USP21: variants seen among roughly 807,000 people sequenced by gnomAD.
USP21 encodes ubiquitin specific peptidase 21.
USP21 carries 37 observed loss-of-function variants against 70.8 expected under a neutral mutation model. The ratio of observed to expected loss-of-function variants is 0.52; its 90% confidence interval spans 0.40 to 0.69. USP21 has a LOEUF of 0.69. Among genes scored for constraint, USP21 ranks in the 30% least tolerant of loss-of-function variants. The pLI is 0.00. For synonymous variants in USP21, 263 were observed against 283.1 expected (o/e 0.93, Z 0.71); for missense variants, 584 against 740.8 (o/e 0.79, Z 2.46).
At chr1:161,163,675 T>A in intron 8 of USP21, 56 bp downstream of exon 8, 1 of 950,654 alleles carries the variant, frequency 1.1e-6, no homozygotes, top group Non-Finnish European at 1.6e-6. Flanking sequence ...GGGTACAGGC[T>A]TGGGGGGAAA....
chr1:161,164,859 G>A lies in USP21; in HGVS notation c.1409G>A (p.Arg470Gln), dbSNP rs111461715. 30 of 1,613,908 alleles carry A rather than the reference G, an allele frequency of 1.9e-5. No homozygotes were observed. The highest frequency in any genetic ancestry group is 2.7e-5 in the African/African-American group (2 of 74,986). ...GATCTGAATCGATTTTCTGCCTCCC[G>A]AGGCTCCATCAAAAAAAGTTCAGTA... ...VLHLNRFSAS[R>Q]GSIKKSSVGV... Residue 470 changes from arginine to glutamine, a missense_variant, in exon 12 of 14, where the codon CGA becomes CAA. Arg to Gln is a conservative substitution (Grantham distance 43). Coordinates refer to ENST00000368002, the MANE Select transcript of USP21 (RefSeq NM_001014443.3). The surrounding 1 kb of genome is among the most constrained non-coding windows in gnomAD (Gnocchi z 4.2).
intron 8 of USP21, 99 bp from the exon 9 acceptor site, chr1:161,163,779 G>A (rs1396083150): frequency 2.3e-5 from 32 of 1,363,182 alleles, no homozygotes; most frequent in Non-Finnish European, 3.2e-5. Context: ...AGTGGGAAAG[G>A]AAGGGTCAAG....
chr1:161,164,571 A>C lies in USP21; in HGVS notation c.1343A>C (p.Lys448Thr). The C allele has an allele frequency of 6.2e-7, 1 of 1,614,188 alleles. No individual in the cohort carries two copies. Among genetic ancestry groups the C allele is most frequent in the South Asian group, 1.1e-5 (1 of 91,078 alleles). Residue 448 changes from lysine to threonine, a missense_variant, in exon 11 of 14, where the codon AAA (lysine) becomes ACA (threonine). Transcript: ENST00000368002. The surrounding 1 kb of genome is among the most constrained non-coding windows in gnomAD (Gnocchi z 4.2). ...TGTCGGCAGAAAACTCGAAGTACCA[A>C]AAAGTTGACAGTACAAAGATTCCCT... is the stretch of plus-strand genomic sequence containing the variant. Reference protein sequence around the residue: ...DRCRQKTRSTKKLTVQRFPRI... With the variant: ...DRCRQKTRSTTKLTVQRFPRI...
Position 161,164,520 on chromosome 1 carries a change from T to G in USP21, c.1306-14T>G. The G allele has an allele frequency of 6.2e-7, 1 of 1,614,162 alleles. No individual in the cohort carries two copies. The highest frequency in any genetic ancestry group is 8.5e-7 in the Non-Finnish European group (1 of 1,180,022). ...AGGAGCATATTAACCTAACACTGTT[T>G]GCCATTTATTCAGGTGTGTGACCGA... On this transcript the variant is annotated splice_polypyrimidine_tract_variant and intron_variant, in intron 10 of 13. Transcript: ENST00000368002. This position sits in a 1 kb window ranked among gnomAD's most constrained non-coding sequence, Gnocchi z 4.2.
In USP21 at chr1:161,165,260, C is replaced by A; in HGVS notation, c.1608-97C>A. 3 of 1,420,828 alleles carry A rather than the reference C, an allele frequency of 2.1e-6. No homozygotes were observed. The South Asian group carries it at 3.5e-5, about 16-fold the overall frequency. The allele number at this position is 1,420,828 out of a possible 1,614,324, so 88.0% of individuals were successfully genotyped here. On this transcript the variant is annotated intron_variant, in intron 13 of 13. Coordinates refer to ENST00000368002, the MANE Select transcript of USP21 (RefSeq NM_001014443.3). The stretch of plus-strand genomic sequence containing the variant: ...GGTGAAAGGAGAGGTGGAGGTCTTG[C>A]CTGATCATTTCCTGGATGCTCTGAG...
In USP21 at chr1:161,162,412, C is replaced by A. The variant is rs748755953; in HGVS notation, c.781+22C>A. On this transcript the variant is annotated intron_variant, in intron 5 of 13. Coordinates refer to ENST00000368002, the MANE Select transcript of USP21 (RefSeq NM_001014443.3). This position sits in a 1 kb window ranked among gnomAD's most constrained non-coding sequence, Gnocchi z 4.1. ...GAAGGTGGGGCAACAACTCCTGCTC[C>A]CTCTGTTCAAGTCCCTTTTTCCCCA... 14 of 1,587,786 alleles carry A rather than the reference C, an allele frequency of 8.8e-6. No homozygotes were observed. The highest frequency in any genetic ancestry group is 1.2e-5 in the Non-Finnish European group (14 of 1,166,064).
chr1:161,160,957 C>A lies in USP21; in HGVS notation c.317C>A (p.Thr106Asn). ...GTGGCTTTGCCTCTCCCATCTCGGA[C>A]CAACTTAGCCCGTTCCAAGTCTGTG... ...PTVALPLPSRTNLARSKSVSS... is the reference protein window; with the variant it reads ...PTVALPLPSRNNLARSKSVSS... Residue 106 changes from threonine (T) to asparagine (N), a missense_variant, in exon 3 of 14, where the codon ACC becomes AAC. This residue lies in a region of USP21 where 284 missense variants were observed against 281.0 expected (regional missense o/e 1.01). Transcript: ENST00000368002. 2 of 1,614,260 alleles carry A rather than the reference C, an allele frequency of 1.2e-6. No homozygotes were observed. The highest frequency in any genetic ancestry group is 2.2e-5 in the South Asian group (2 of 91,092).
chr1:161,162,397 C>A lies in USP21; in HGVS notation c.781+7C>A. 2 of 1,600,262 alleles carry A rather than the reference C, an allele frequency of 1.2e-6. No individual in the cohort carries two copies. The highest frequency in any genetic ancestry group is 1.1e-5 in the South Asian group (1 of 88,638). ...GCCCAAGAGCTCACTGAAGGTGGGG[C>A]AACAACTCCTGCTCCCTCTGTTCAA... On this transcript the variant is annotated splice_region_variant and intron_variant, in intron 5 of 13. Coordinates refer to ENST00000368002, the MANE Select transcript of USP21 (RefSeq NM_001014443.3). The surrounding 1 kb of genome is among the most constrained non-coding windows in gnomAD (Gnocchi z 4.1).
Position 161,161,189 on chromosome 1 carries a change from C to T in USP21, c.549C>T (p.Phe183=). 6.2e-7 allele frequency: 1 copy of T among 1,613,214 alleles called. No homozygotes were observed. The highest frequency in any genetic ancestry group is 1.1e-5 in the South Asian group (1 of 91,054). The change falls in exon 3 of 14, where the codon TTC becomes TTT. Residue 183 remains phenylalanine, a synonymous_variant. Coordinates refer to ENST00000368002, the MANE Select transcript of USP21 (RefSeq NM_001014443.3). This position sits in a 1 kb window ranked among gnomAD's most constrained non-coding sequence, Gnocchi z 4.2. ...RTEPPASHGS[F]HMISARSSEP... ...AGCCCCCTGCTTCCCATGGCTCCTT[C>T]CACATGATATCCGCCCGGTCCTCTG...
In USP21 at chr1:161,162,604, C is replaced by T. The variant is rs376985196; in HGVS notation, c.782-11C>T. 1.7e-5 allele frequency: 27 copies of T among 1,603,198 alleles called. No homozygotes were observed. The highest frequency in any genetic ancestry group is 2.3e-5 in the Non-Finnish European group (27 of 1,170,194). On this transcript the variant is annotated splice_polypyrimidine_tract_variant and intron_variant, in intron 5 of 13. Transcript: ENST00000368002. This position sits in a 1 kb window ranked among gnomAD's most constrained non-coding sequence, Gnocchi z 4.1. ...AACCTTTGTTTGCCTTCCCCACTCC[C>T]ATCCCAACAGCCTTTGCAGATGTGA...
rs1418472127 is a variant in USP21, at chr1:161,165,467, C to T, written c.*20C>T. Reference sequence around the variant, plus strand: ...CTGTGACACCTCTAAGCTCTGGCACCTGTGAAGCCCTTTAAACACCCTTAA... The same window carrying T: ...CTGTGACACCTCTAAGCTCTGGCACTTGTGAAGCCCTTTAAACACCCTTAA... On this transcript the variant is annotated 3_prime_UTR_variant, in exon 14 of 14. Transcript: ENST00000368002. 2 of 1,593,316 alleles carry T rather than the reference C, an allele frequency of 1.3e-6. No homozygotes were observed. The highest frequency in any genetic ancestry group is 4.5e-5 in the East Asian group (2 of 44,726).
At position 161,161,761 on chromosome 1, in the gene USP21, TTGCCCCAGGAGC is replaced by T. The variant is rs1247471546; in HGVS notation, c.601-273_601-262del. 7 of 448,742 alleles carry T rather than the reference TTGCCCCAGGAGC, an allele frequency of 1.6e-5. No homozygotes were observed. The highest frequency in any genetic ancestry group is 1.2e-4 in the African/African-American group (6 of 48,954). 27.8% of individuals were successfully genotyped at this position (448,742 alleles called of 1,614,324 possible). A position where few individuals can be genotyped will look rare whatever the true frequency, so the allele number is the denominator to read the frequency against. ...GGCAACCATGCCGGTGCTGGGGGAG[TTGCCCCAGGAGC>T]TGCAACGTCAGCTAGCTGAGCAGAG... On this transcript the variant is annotated intron_variant, in intron 3 of 13. Transcript: ENST00000368002. The surrounding 1 kb of genome is among the most constrained non-coding windows in gnomAD (Gnocchi z 4.2).
In USP21 at chr1:161,163,551, G is replaced by C; in HGVS notation, c.1050-4G>C. On this transcript the variant is annotated splice_polypyrimidine_tract_variant and splice_region_variant and intron_variant, in intron 7 of 13. Transcript: ENST00000368002. Reference sequence around the variant, plus strand: ...TGCTCCCCACTTCCTTTGATCTGTGGTAGTGATGATGACCGAGCCAACCTA... The same window carrying C: ...TGCTCCCCACTTCCTTTGATCTGTGCTAGTGATGATGACCGAGCCAACCTA... The C allele has an allele frequency of 6.2e-7, 1 of 1,613,806 alleles. No individual in the cohort carries two copies. The highest frequency in any genetic ancestry group is 8.5e-7 in the Non-Finnish European group (1 of 1,179,954).
In USP21 at chr1:161,164,477, G is replaced by C; in HGVS notation, c.1306-57G>C. 1 of 1,605,434 alleles carries C rather than the reference G, an allele frequency of 6.2e-7. No individual in the cohort carries two copies. The highest frequency in any genetic ancestry group is 8.5e-7 in the Non-Finnish European group (1 of 1,172,338). On this transcript the variant is annotated intron_variant, in intron 10 of 13. Coordinates refer to ENST00000368002, the MANE Select transcript of USP21 (RefSeq NM_001014443.3). The surrounding 1 kb of genome is among the most constrained non-coding windows in gnomAD (Gnocchi z 4.2). Reference sequence around the variant, plus strand: ...AATTTGTATGTGGATCGGGGTGTCAGAAAAGCCAATTGAGGTTAGGAGCAT... The same window carrying C: ...AATTTGTATGTGGATCGGGGTGTCACAAAAGCCAATTGAGGTTAGGAGCAT...
rs1049482311 is a variant in USP21, at chr1:161,162,182, G to A, written c.660+85G>A. The A allele has an allele frequency of 6.8e-6, 11 of 1,613,254 alleles. No individual in the cohort carries two copies. Among genetic ancestry groups the A allele is most frequent in the Admixed American group, 6.7e-5 (4 of 60,004 alleles). ...GGGAAAACCCACGAGCTTGGGGAAG[G>A]CATGTGGAAGGAGAGCTCTGAAGCT... On this transcript the variant is annotated intron_variant, in intron 4 of 13. Transcript: ENST00000368002. The surrounding 1 kb of genome is among the most constrained non-coding windows in gnomAD (Gnocchi z 4.1).
chr1:161,164,418 C>A lies in USP21; in HGVS notation c.1306-116C>A. 7.1e-7 allele frequency: 1 copy of A among 1,407,876 alleles called. No individual in the cohort carries two copies. The highest frequency in any genetic ancestry group is 1.0e-6 in the Non-Finnish European group (1 of 1,004,558). The allele number at this position is 1,407,876 out of a possible 1,614,324, so 87.2% of individuals were successfully genotyped here. The stretch of plus-strand genomic sequence containing the variant: ...GTACTCCTAGAGCAAAGGGGAGAAG[C>A]CAAGAGGATCCAGCTGTAATGAAGA... On this transcript the variant is annotated intron_variant, in intron 10 of 13. Transcript: ENST00000368002. The surrounding 1 kb of genome is among the most constrained non-coding windows in gnomAD (Gnocchi z 4.2).
In USP21 at chr1:161,161,266, T is replaced by C; in HGVS notation, c.600+26T>C. On this transcript the variant is annotated intron_variant, in intron 3 of 13. Transcript: ENST00000368002. The surrounding 1 kb of genome is among the most constrained non-coding windows in gnomAD (Gnocchi z 4.2). ...GTGAGGACTTGCCACACACATGGCC[T>C]TCATGCCCATGTTCCTCTGTGCTTT... is the stretch of plus-strand genomic sequence containing the variant. 1.3e-6 allele frequency: 2 copies of C among 1,556,314 alleles called. No homozygotes were observed. The highest frequency in any genetic ancestry group is 1.2e-5 in the South Asian group (1 of 84,682).
chr1:161,164,747 C>A lies in USP21; in HGVS notation c.1385-88C>A. 1 of 1,597,044 alleles carries A rather than the reference C, an allele frequency of 6.3e-7. No individual in the cohort carries two copies. Among genetic ancestry groups the A allele is most frequent in the South Asian group, 1.1e-5 (1 of 88,832 alleles). On this transcript the variant is annotated intron_variant, in intron 11 of 13. Coordinates refer to ENST00000368002, the MANE Select transcript of USP21 (RefSeq NM_001014443.3). This position sits in a 1 kb window ranked among gnomAD's most constrained non-coding sequence, Gnocchi z 4.2. ...TTTCCACAAGATGCTCCCAGTGTGT[C>A]GGGAGTGGGGAGAGGACAGCTTTCA...
rs761110251 is a variant in USP21 at position 161,162,425 on chromosome 1, C to A, written c.781+35C>A. On this transcript the variant is annotated intron_variant, in intron 5 of 13. Transcript: ENST00000368002. This position sits in a 1 kb window ranked among gnomAD's most constrained non-coding sequence, Gnocchi z 4.1. ...CAACTCCTGCTCCCTCTGTTCAAGT[C>A]CCTTTTTCCCCAACCACTTGCAGGT... is the stretch of plus-strand genomic sequence containing the variant. 6.4e-7 allele frequency: 1 copy of A among 1,572,024 alleles called. No individual in the cohort carries two copies. Among genetic ancestry groups the A allele is most frequent in the Admixed American group, 1.8e-5 (1 of 55,376 alleles).
Sources: gnomAD v4.1 joint callset for allele counts on GRCh38, gnomAD v4.1.1 for gene constraint, gnomAD v4.1.1 regional missense constraint, Gnocchi (gnomAD v3.1) non-coding constraint, MANE v1.5 for transcripts, NCBI Gene and HGNC (gene_info 2026-07-23, HGNC 2026-07-21) for gene names.